NHEJ1: variants seen among roughly 807,000 people sequenced by gnomAD.
The protein encoded by NHEJ1 is non-homologous end-joining factor 1.
In NHEJ1, 22 loss-of-function variants were observed where a neutral mutation model predicts 39.4. The ratio of observed to expected loss-of-function variants is 0.56; its 90% CI spans 0.40 to 0.80. The LOEUF is 0.80. Among genes scored for constraint, NHEJ1 ranks in the 30% least tolerant of loss-of-function variants. The pLI, the probability that NHEJ1 is intolerant of heterozygous loss-of-function variation, is 0.00. For missense variants in NHEJ1, 329 were observed against 357.1 expected, an observed-to-expected ratio of 0.92 and a Z score of 0.63; for synonymous variants, 154 against 135.6, an observed-to-expected ratio of 1.14 and a Z score of -0.94.
chr2:219,123,240 A>T (rs1395166614), intron 5 of NHEJ1, among the ~76,000 whole-genome samples: 1 of 152,214 alleles, frequency 6.6e-6, no homozygotes, highest in African/African-American at 2.4e-5. Flanking sequence ...CAACAAAGAC[A>T]TATTTTGTAG....
At position 219,111,131 on chromosome 2, in the gene NHEJ1, G is replaced by A. The variant is rs955839563; in HGVS notation, c.589-32925C>T. Reference sequence around the variant, plus strand: ...CATATTCCTTAACTAAGGACCAGAGGGGGGAAAATCATTTTAAAGATGATT... The same window carrying A: ...CATATTCCTTAACTAAGGACCAGAGAGGGGAAAATCATTTTAAAGATGATT... On this transcript the variant is annotated intron_variant, in intron 5 of 7. Coordinates refer to ENST00000356853, the MANE Select transcript of NHEJ1 (RefSeq NM_024782.3). The surrounding 1 kb of genome is among the most constrained non-coding windows in gnomAD (Gnocchi z 4.1). Among the ~76,000 whole-genome samples, 2 of 152,120 alleles carry A rather than the reference G, an allele frequency of 1.3e-5. No individual in the cohort carries two copies. Among genetic ancestry groups the A allele is most frequent in the East Asian group, 1.9e-4 (1 of 5,194 alleles).
chr2:219,157,594 G>A lies in NHEJ1; in HGVS notation c.268C>T (p.Pro90Ser), dbSNP rs752383388. ...TCACAGGAGAAGGTAGCTTCGCTAG[G>A]GTGAGCAGCGTCCTTCAACAATGGG... ...LRPLLKDAAH[P>S]SEATFSCDCV... The change falls in exon 3 of 8, where the codon CCT (proline) becomes TCT (serine). Residue 90 changes from proline (P) to serine (S), a missense_variant. Physicochemically the swap from Pro to Ser is moderately conservative, Grantham distance 74. Coordinates refer to ENST00000356853, the MANE Select transcript of NHEJ1 (RefSeq NM_024782.3). The A allele has an allele frequency of 3.1e-6, 5 of 1,614,148 alleles. No homozygotes were observed. The highest frequency in any genetic ancestry group is 1.7e-5 in the Admixed American group (1 of 60,006).
chr2:219,142,918 C>G (rs753987077), intron 5 of NHEJ1, among the ~76,000 whole-genome samples: 7 of 152,194 alleles, frequency 4.6e-5, no homozygotes, highest in Non-Finnish European at 1.0e-4. Flanking sequence ...ATTGAGAAAT[C>G]AGAGGCTCTT....
chr2:219,081,603 C>G (rs549315463), intron 5 of NHEJ1, among the ~76,000 whole-genome samples: 3 of 152,370 alleles, frequency 2.0e-5, no homozygotes, highest in East Asian at 3.9e-4. Flanking sequence ...TCCCTCATAA[C>G]AGGTCTGAGT....
At chr2:219,119,531 C>T (rs1949450305) in intron 5 of NHEJ1, among the ~76,000 whole-genome samples, 1 of 152,132 alleles carries the variant, frequency 6.6e-6, no homozygotes, top group Admixed American at 6.5e-5. Flanking sequence ...CCCACTCCCC[C>T]ATCCCTATTT....
chr2:219,076,503 C>T (rs554169149), intron 7 of NHEJ1, 48 bp from the exon 8 acceptor site: 4 of 1,541,390 alleles, frequency 2.6e-6, no homozygotes, highest in African/African-American at 2.7e-5. Flanking sequence ...AATAGTTCCA[C>T]TGAAATTAGG....
In NHEJ1 at chr2:219,077,380, T is replaced by C. The variant is rs1055462165; in HGVS notation, c.707-16A>G. The stretch of plus-strand genomic sequence containing the variant: ...TGAGGATCTCCTGAAATCAGAAAGA[T>C]CAAGAGAAGATAGTGATAAATGCCT... On this transcript the variant is annotated splice_polypyrimidine_tract_variant and intron_variant, in intron 6 of 7. Transcript: ENST00000356853. The C allele has an allele frequency of 6.3e-7, 1 of 1,576,602 alleles. No individual in the cohort carries two copies. The highest frequency in any genetic ancestry group is 8.7e-7 in the Non-Finnish European group (1 of 1,145,888).
intron 1 of NHEJ1, among the ~76,000 whole-genome samples, chr2:219,159,590 T>TATATATATGC (rs1559206423): frequency 5.9e-5 from 6 of 102,202 alleles, no homozygotes; most frequent in South Asian, 3.1e-4. Context: ...TATATATGCA[T>TATATATATGC]ATATATATAT....
intron 3 of NHEJ1, among the ~76,000 whole-genome samples, chr2:219,154,759 C>G (rs55745196): frequency 0.016 from 2,499 of 151,638 alleles, 69 homozygotes; most frequent in African/African-American, 0.057. Context: ...AAGACTCATC[C>G]CTTCCTAAAC....
At chr2:219,150,403 T>TG (rs1949783764) in intron 3 of NHEJ1, among the ~76,000 whole-genome samples, 1 of 152,200 alleles carries the variant, frequency 6.6e-6, no homozygotes, top group African/African-American at 2.4e-5. Flanking sequence ...GACTCCCAAT[T>TG]GAGGTCCTTA....
At position 219,082,371 on chromosome 2, in the gene NHEJ1, TA is replaced by T. The variant is rs1204720839; in HGVS notation, c.589-4166del. On this transcript the variant is annotated intron_variant, in intron 5 of 7. Coordinates refer to ENST00000356853, the MANE Select transcript of NHEJ1 (RefSeq NM_024782.3). Reference sequence around the variant, plus strand: ...GGGTCCAACCTCCCCTCTTTAGAGGTAACTCTCATCTTCATGGGGTCTAAAC... The same window carrying T: ...GGGTCCAACCTCCCCTCTTTAGAGGTACTCTCATCTTCATGGGGTCTAAAC... Among the ~76,000 whole-genome samples, 13 of 152,260 alleles carry T rather than the reference TA, an allele frequency of 8.5e-5. No individual in the cohort carries two copies. The East Asian group carries it at 2.3e-3, about 27-fold the overall frequency.
At position 219,115,494 on chromosome 2, in the gene NHEJ1, A is replaced by C. The variant is rs138894558; in HGVS notation, c.588+31186T>G. Among the ~76,000 whole-genome samples the C allele has an allele frequency of 8.5e-3, 1,297 of 152,306 alleles. 12 individuals are homozygous for C. Among genetic ancestry groups the C allele is most frequent in the Middle Eastern group, 0.014 (4 of 294 alleles). The stretch of plus-strand genomic sequence containing the variant: ...GGGCTGACTGATCATGCAAGTCAAG[A>C]GCCTGAGCAAATAGTCAAAAATATG... On this transcript the variant is annotated intron_variant, in intron 5 of 7. Coordinates refer to ENST00000356853, the MANE Select transcript of NHEJ1 (RefSeq NM_024782.3).
intron 5 of NHEJ1, among the ~76,000 whole-genome samples, chr2:219,115,672 C>A (rs1949407120): frequency 6.6e-6 from 1 of 152,228 alleles, no homozygotes; most frequent in Non-Finnish European, 1.5e-5. Flanking sequence ...TATACACATG[C>A]ACAAGTCTTC....
At chr2:219,092,258 C>T (rs1278814787) in intron 5 of NHEJ1, among the ~76,000 whole-genome samples, 3 of 150,648 alleles carry the variant, frequency 2.0e-5, no homozygotes, top group Admixed American at 1.3e-4. Context: ...TGTGTCACTG[C>T]ACTCCAGCCT....
At chr2:219,114,417 A>T (rs1949392014) in intron 5 of NHEJ1, among the ~76,000 whole-genome samples, 1 of 152,208 alleles carries the variant, frequency 6.6e-6, no homozygotes, top group African/African-American at 2.4e-5. Context: ...GCCTGGACTG[A>T]TTCCTTTTAG....
chr2:219,143,141 C>A (rs1454419349), intron 5 of NHEJ1, among the ~76,000 whole-genome samples: 1 of 152,156 alleles, frequency 6.6e-6, no homozygotes, highest in Non-Finnish European at 1.5e-5. Context: ...AGCCCTGGCC[C>A]CCCTGCGCCT....
intron 5 of NHEJ1, among the ~76,000 whole-genome samples, chr2:219,090,431 C>A (rs931128559): frequency 6.6e-6 from 1 of 152,036 alleles, no homozygotes; most frequent in Non-Finnish European, 1.5e-5. Context: ...AGGAAGGGCT[C>A]AATAAATATT....
intron 2 of NHEJ1, 41 bp downstream of exon 2, chr2:219,158,145 G>A (rs1687787044): frequency 1.2e-6 from 2 of 1,610,152 alleles, no homozygotes; most frequent in Admixed American, 3.3e-5. Context: ...GCTGGTTGAT[G>A]TTCACATCCC....
chr2:219,116,646 C>G (rs1478801364), intron 5 of NHEJ1, among the ~76,000 whole-genome samples: 1 of 152,134 alleles, frequency 6.6e-6, no homozygotes, highest in East Asian at 1.9e-4. Context: ...TGTAAGCTAC[C>G]ATACCCAGCC....
Sources: gnomAD v4.1 joint callset for allele counts (sites outside exome capture counted in the v4.1 genomes callset) on GRCh38, gnomAD v4.1.1 for gene constraint, Gnocchi (gnomAD v3.1) non-coding constraint, MANE v1.5 for transcripts, NCBI Gene and HGNC (gene_info 2026-07-23, HGNC 2026-07-21) for gene names.